Variants in EPHA4 observed in about 807,000 individuals in gnomAD.
The protein encoded by EPHA4 is ephrin type-A receptor 4.
EPHA4 carries 19 observed loss-of-function variants against 108.3 expected under a neutral mutation model. The observed-to-expected ratio is 0.18, with a 90% CI of 0.12 to 0.26. The LOEUF is 0.26. Ranked by LOEUF, EPHA4 falls within the 10% of genes least tolerant of loss-of-function variation. The probability of loss-of-function intolerance (pLI) is 1.00; values close to 1 mark genes in which losing one functional copy is unlikely to be tolerated. For missense variants in EPHA4, 917 were observed against 1,254.0 expected (o/e 0.73, Z 4.06); for synonymous variants, 449 against 455.5 (o/e 0.99, Z 0.18).
At position 221,572,256 on chromosome 2, in the gene EPHA4, C is replaced by G; in HGVS notation, c.-8G>C. On this transcript the variant is annotated 5_prime_UTR_variant, in exon 1 of 18. Coordinates refer to ENST00000281821, the MANE Select transcript of EPHA4 (RefSeq NM_004438.5). ...ATAGAAAATCCCAGCCATGGTTCGC[C>G]GGTGCCAACGCTGCTCCTGCCGCTT... 1 of 1,611,932 alleles carries G rather than the reference C, an allele frequency of 6.2e-7. No individual in the cohort carries two copies. Among genetic ancestry groups the G allele is most frequent in the Non-Finnish European group, 8.5e-7 (1 of 1,178,016 alleles).
Position 221,534,848 on chromosome 2 carries a change from C to T in EPHA4, c.823+28883G>A, listed in dbSNP as rs114077911. On this transcript the variant is annotated intron_variant, in intron 3 of 17. Coordinates refer to ENST00000281821, the MANE Select transcript of EPHA4 (RefSeq NM_004438.5). ...GGTAAATAACTCAACTCTTTCCAGT[C>T]GACAGAGGTGCTCTTCACTTGAGCA... Among the ~76,000 whole-genome samples the T allele has an allele frequency of 3.0e-3, 464 of 152,262 alleles. 1 individual carries two copies. The highest frequency in any genetic ancestry group is 8.0e-3 in the African/African-American group (331 of 41,554).
chr2:221,445,868 C>A (rs953722846), intron 9 of EPHA4, among the ~76,000 whole-genome samples: 18 of 152,158 alleles, frequency 1.2e-4, no homozygotes, highest in Admixed American at 2.0e-4. Flanking sequence ...AGACTGATAA[C>A]TTTCTTAGGG....
At chr2:221,526,794 C>A (rs1574635437) in intron 3 of EPHA4, among the ~76,000 whole-genome samples, 1 of 129,498 alleles carries the variant, frequency 7.7e-6, no homozygotes, top group South Asian at 2.6e-4. Flanking sequence ...TTGCAGTGGG[C>A]CGAGATCGAG....
intron 4 of EPHA4, among the ~76,000 whole-genome samples, chr2:221,499,739 TATATATATATA>T (rs1222224254): frequency 6.6e-4 from 36 of 54,858 alleles, no homozygotes; most frequent in African/African-American, 3.2e-3. Flanking sequence ...TATATATATA[TATATATATATA>T]TATATATTTT....
At chr2:221,464,575 G>A (rs990311535) in intron 5 of EPHA4, among the ~76,000 whole-genome samples, 13 of 152,118 alleles carry the variant, frequency 8.5e-5, no homozygotes, top group African/African-American at 2.7e-4. Flanking sequence ...ATATTTATAC[G>A]TCCTTTTTCT....
At chr2:221,536,390 GCGAA>G (rs1160761331) in intron 3 of EPHA4, among the ~76,000 whole-genome samples, 1 of 152,158 alleles carries the variant, frequency 6.6e-6, no homozygotes, top group African/African-American at 2.4e-5. Context: ...GTACTAGAAT[GCGAA>G]CCTGCTCACT....
rs1251939656 is a variant in EPHA4, at chr2:221,571,357, C to T, written c.91+801G>A. Reference sequence around the variant, plus strand: ...CCACCTCCCGACACAGACACACAGGCACATACAATCCTCCCAGCACGTCCG... The same window carrying T: ...CCACCTCCCGACACAGACACACAGGTACATACAATCCTCCCAGCACGTCCG... On this transcript the variant is annotated intron_variant, in intron 1 of 17. Coordinates refer to ENST00000281821, the MANE Select transcript of EPHA4 (RefSeq NM_004438.5). This position sits in a 1 kb window ranked among gnomAD's most constrained non-coding sequence, Gnocchi z 6.3. Among the ~76,000 whole-genome samples the T allele has an allele frequency of 6.8e-6, 1 of 147,936 alleles. No individual in the cohort carries two copies. The highest frequency in any genetic ancestry group is 1.5e-5 in the Non-Finnish European group (1 of 67,216).
intron 5 of EPHA4, among the ~76,000 whole-genome samples, chr2:221,471,076 T>A (rs1691472387): frequency 6.6e-6 from 1 of 152,122 alleles, no homozygotes; most frequent in Admixed American, 6.6e-5. Context: ...CAGAAACAAC[T>A]GAGCTATTAA....
intron 3 of EPHA4, among the ~76,000 whole-genome samples, chr2:221,537,888 TGAA>T (rs1016043121): frequency 6.6e-6 from 1 of 152,220 alleles, no homozygotes; most frequent in Non-Finnish European, 1.5e-5. Context: ...CCAGACATTT[TGAA>T]GAAGACAGTT....
chr2:221,446,993 C>T (rs1312811260), intron 8 of EPHA4, among the ~76,000 whole-genome samples: 1 of 152,148 alleles, frequency 6.6e-6, no homozygotes, highest in Non-Finnish European at 1.5e-5. Flanking sequence ...CTTCAGTACA[C>T]ATAAATATTC....
intron 5 of EPHA4, among the ~76,000 whole-genome samples, chr2:221,472,253 G>T (rs1320014906): frequency 7.0e-6 from 1 of 143,432 alleles, no homozygotes; most frequent in Non-Finnish European, 1.5e-5. Flanking sequence ...ACGAAACTGT[G>T]CTCCTATTTA....
At chr2:221,432,399 A>G (rs1459953408) in intron 14 of EPHA4, among the ~76,000 whole-genome samples, 2 of 152,208 alleles carry the variant, frequency 1.3e-5, no homozygotes, top group South Asian at 4.1e-4. Context: ...AGAAGCTACT[A>G]GAAGCTGTCT....
At chr2:221,482,750 A>G (rs1691862918) in intron 4 of EPHA4, 60 bp from the exon 5 acceptor site, 1 of 1,451,638 alleles carries the variant, frequency 6.9e-7, no homozygotes, top group African/African-American at 1.4e-5. Flanking sequence ...GGAATCTCTC[A>G]GAGTTTGTAT....
At chr2:221,461,982 ATTC>A (rs1377330304) in intron 5 of EPHA4, among the ~76,000 whole-genome samples, 5 of 76,986 alleles carry the variant, frequency 6.5e-5, no homozygotes, top group Non-Finnish European at 1.5e-4. Flanking sequence ...TGATGAACAC[ATTC>A]TTTTTTTTTT....
In EPHA4 at chr2:221,572,285, TC is replaced by T; in HGVS notation, c.-38del. ...GCCAACGCTGCTCCTGCCGCTTCTATCCCAGTGGAATAAATGCTTAAGTTAG... is the reference window on the plus strand; with the variant it reads ...GCCAACGCTGCTCCTGCCGCTTCTATCCAGTGGAATAAATGCTTAAGTTAG... On this transcript the variant is annotated 5_prime_UTR_variant, in exon 1 of 18. Coordinates refer to ENST00000281821, the MANE Select transcript of EPHA4 (RefSeq NM_004438.5). 6.4e-7 allele frequency: 1 copy of T among 1,552,696 alleles called. No homozygotes were observed. The highest frequency in any genetic ancestry group is 8.9e-7 in the Non-Finnish European group (1 of 1,124,196).
intron 5 of EPHA4, among the ~76,000 whole-genome samples, chr2:221,479,459 A>G (rs553313261): frequency 2.0e-4 from 31 of 152,260 alleles, no homozygotes; most frequent in Non-Finnish European, 2.8e-4. Context: ...TGTAGCCTCC[A>G]GGTGCTAAAT....
intron 14 of EPHA4, among the ~76,000 whole-genome samples, chr2:221,433,794 AATTT>A (rs1310415447): frequency 6.6e-6 from 1 of 152,160 alleles, no homozygotes. Flanking sequence ...TCATATGTGA[AATTT>A]ATTTTTTCAT....
intron 3 of EPHA4, among the ~76,000 whole-genome samples, chr2:221,526,966 C>CAAA (rs71050341): frequency 1.5e-5 from 2 of 133,998 alleles, no homozygotes. Context: ...ACTAAAAATA[C>CAAA]AAAAAAAAAA....
intron 9 of EPHA4, among the ~76,000 whole-genome samples, chr2:221,444,744 CTTTTTTTTTTTT>C (rs71266317): frequency 1.2e-4 from 9 of 74,986 alleles, no homozygotes; most frequent in Middle Eastern, 0.014. Context: ...TTTTTTCTAT[CTTTTTTTTTTTT>C]TTTTTTTTTT....
Sources: gnomAD v4.1 joint callset for allele counts (sites outside exome capture counted in the v4.1 genomes callset) on GRCh38, gnomAD v4.1.1 for gene constraint, Gnocchi (gnomAD v3.1) non-coding constraint, MANE v1.5 for transcripts, NCBI Gene and HGNC (gene_info 2026-07-23, HGNC 2026-07-21) for gene names.